The following DKC1 variants were observed in gnomAD, a reference collection of about 807,000 sequenced individuals.
DKC1 encodes dyskerin pseudouridine synthase 1, also known as H/ACA ribonucleoprotein complex subunit DKC1.
In DKC1, 4 loss-of-function variants were observed where a neutral mutation model predicts 46.7. That is an observed-to-expected ratio of 0.09 (90% CI 0.04 to 0.20). The LOEUF (loss-of-function observed/expected upper bound fraction) is 0.20, where lower values mean the gene tolerates loss of function less well. Among genes scored for constraint, DKC1 ranks in the 10% least tolerant of loss-of-function variants. The pLI, the probability that DKC1 is intolerant of heterozygous loss-of-function variation, is 1.00. For synonymous variants in DKC1, 141 were observed against 142.4 expected (o/e 0.99, Z 0.07); for missense variants, 171 against 404.2 (o/e 0.42, Z 4.95).
At chrX:154,766,607 T>G (rs1221196729) in intron 5 of DKC1, 11 of 450,061 alleles carry the variant, frequency 2.4e-5, no homozygotes, top group African/African-American at 1.2e-4. Flanking sequence ...AAGCATGTAT[T>G]CATCAAGCTG....
rs1404520097 is a variant in DKC1, at chrX:154,765,847, C to CT, written c.172-53dup. 17 of 953,313 alleles carry CT rather than the reference C, an allele frequency of 1.8e-5. No homozygotes were observed. The Admixed American group carries it at 2.6e-4, about 15-fold the overall frequency. The allele number at this position is 953,313 out of a possible 1,213,427, so 78.6% of individuals were successfully genotyped here. A position where few individuals can be genotyped will look rare whatever the true frequency, so the allele number is the denominator to read the frequency against. ...TGTGGGCCACATAGTGGTACTGACT[C>CT]TTTTTTTACATGTGCTCACGACATG... On this transcript the variant is annotated intron_variant, in intron 3 of 14. Transcript: ENST00000369550.
intron 13 of DKC1, 80 bp downstream of exon 13, chrX:154,775,353 G>T: frequency 1.0e-6 from 1 of 957,530 alleles, no homozygotes; most frequent in South Asian, 2.0e-5. Flanking sequence ...CTTACTTTGT[G>T]ACTGTCCGCA....
chrX:154,763,175 C>T (rs1275355670), intron 1 of DKC1, among the ~76,000 whole-genome samples, 194 bp downstream of exon 1: 1 of 111,989 alleles, frequency 8.9e-6, no homozygotes, highest in Non-Finnish European at 1.9e-5. Context: ...GGGAGCCCCT[C>T]GCGGTGACTT....
In DKC1 at chrX:154,766,210, T is replaced by C. The variant is rs1569558493; in HGVS notation, c.264-6T>C. 1 of 1,208,376 alleles carries C rather than the reference T, an allele frequency of 8.3e-7. No individual in the cohort carries two copies. The highest frequency in any genetic ancestry group is 1.7e-5 in the African/African-American group (1 of 57,545). On this transcript the variant is annotated splice_region_variant and splice_polypyrimidine_tract_variant and intron_variant, in intron 4 of 14. Coordinates refer to ENST00000369550, the MANE Select transcript of DKC1 (RefSeq NM_001363.5). ...GATACATTAATTTTTTTTTTTTCCA[T>C]TCCAGGACAGGTTTCATTAATCTTG...
At position 154,774,691 on chromosome X, in the gene DKC1, G is replaced by A. The variant is rs2148516440; in HGVS notation, c.1245G>A (p.Glu415=). 3 of 1,209,995 alleles carry A rather than the reference G, an allele frequency of 2.5e-6. No homozygotes were observed. The highest frequency in any genetic ancestry group is 2.3e-4 in the Middle Eastern group (1 of 4,354). The change falls in exon 12 of 15, where the codon GAG becomes GAA. Residue 415 remains glutamate, a synonymous_variant. Transcript: ENST00000369550. ...TDSTPATWKQ[E]YVDYSESAKK... is the part of the protein sequence containing the mutation. ...GCACACCTGCCACCTGGAAGCAGGAGTATGTTGACTACAGGTGAGGGCAGG... is the reference window on the plus strand; with the variant it reads ...GCACACCTGCCACCTGGAAGCAGGAATATGTTGACTACAGGTGAGGGCAGG...
intron 10 of DKC1, 30 bp from the exon 11 acceptor site, chrX:154,773,101 A>G: frequency 9.8e-7 from 1 of 1,016,430 alleles, no homozygotes; most frequent in East Asian, 3.1e-5. Flanking sequence ...CACCCTTCAA[A>G]TAATTCTTTT....
At chrX:154,768,595 A>G (rs2071779822) in intron 8 of DKC1, 163 bp downstream of exon 8, 3 of 676,887 alleles carry the variant, frequency 4.4e-6, no homozygotes, top group Non-Finnish European at 4.8e-6. Context: ...GGACATTAAA[A>G]TGGGCTAAGG....
chrX:154,775,981 C>G (rs1557265645), intron 13 of DKC1, among the ~76,000 whole-genome samples: 1 of 112,257 alleles, frequency 8.9e-6, no homozygotes, highest in African/African-American at 3.2e-5. Context: ...TTCTCTTGTG[C>G]CTGCCTCAAG....
chrX:154,776,463 G>A (rs2071897655), intron 14 of DKC1, 139 bp downstream of exon 14: 1 of 906,820 alleles, frequency 1.1e-6, no homozygotes, highest in African/African-American at 1.9e-5. Context: ...TGCCTTTAGT[G>A]CTTCCCCATG....
chrX:154,775,582 C>T (rs2071886160), intron 13 of DKC1, among the ~76,000 whole-genome samples: 1 of 112,136 alleles, frequency 8.9e-6, no homozygotes, highest in Non-Finnish European at 1.9e-5. Flanking sequence ...GTGTGTGTGT[C>T]AATTCTGGCC....
chrX:154,763,399 A>C (rs782531378), intron 1 of DKC1, among the ~76,000 whole-genome samples: 138 of 112,251 alleles, frequency 1.2e-3, no homozygotes, highest in Non-Finnish European at 1.9e-3. Context: ...CGGAGCAGGG[A>C]TAGAGCTCCG....
chrX:154,770,626 G>A (rs1174861908), intron 9 of DKC1, 133 bp from the exon 10 acceptor site: 1 of 861,268 alleles, frequency 1.2e-6, no homozygotes, highest in Admixed American at 2.3e-5. Context: ...GCCCCTTGCA[G>A]CTAGTGGGCT....
At chrX:154,764,877 A>C in intron 1 of DKC1, 22 bp from the exon 2 acceptor site, 1 of 1,165,498 alleles carries the variant, frequency 8.6e-7, no homozygotes, top group South Asian at 1.8e-5. Context: ...AAAATTCCCA[A>C]ATCCTGTGTT....
chrX:154,763,225 G>C (rs1393835889), intron 1 of DKC1, among the ~76,000 whole-genome samples: 1 of 112,057 alleles, frequency 8.9e-6, no homozygotes, highest in Non-Finnish European at 1.9e-5. Context: ...CCTGGGGTCC[G>C]GGTCGCCGTC....
chrX:154,771,237 C>T (rs1557264939), intron 10 of DKC1, among the ~76,000 whole-genome samples: 1 of 89,454 alleles, frequency 1.1e-5, no homozygotes, highest in African/African-American at 4.3e-5. Flanking sequence ...TTCACCCAGA[C>T]TGCAGTGCAG....
At chrX:154,763,049 T>C in intron 1 of DKC1, 68 bp downstream of exon 1, 1 of 1,110,794 alleles carries the variant, frequency 9.0e-7, no homozygotes, top group Non-Finnish European at 1.2e-6. Context: ...GGGGGGATGG[T>C]ATCGGGGCCC....
intron 11 of DKC1, among the ~76,000 whole-genome samples, chrX:154,773,880 G>A (rs991948481): frequency 8.2e-3 from 906 of 110,172 alleles, no homozygotes; most frequent in African/African-American, 0.029. Flanking sequence ...AGGGGCGGCC[G>A]GGCAGAGGCG....
chrX:154,764,244 A>G (rs1197732454), intron 1 of DKC1, among the ~76,000 whole-genome samples: 2 of 108,279 alleles, frequency 1.8e-5, no homozygotes, highest in African/African-American at 3.3e-5. Context: ...TATATTATAT[A>G]TATATAGTAC....
chrX:154,769,022 T>C (rs1324454605), intron 8 of DKC1, 145 bp from the exon 9 acceptor site: 2 of 347,614 alleles, frequency 5.8e-6, no homozygotes, highest in African/African-American at 6.3e-5. Flanking sequence ...AAAAAAAAGA[T>C]GCCTGGAAGA....
Sources: gnomAD v4.1 joint callset for allele counts (sites outside exome capture counted in the v4.1 genomes callset) on GRCh38, gnomAD v4.1.1 for gene constraint, MANE v1.5 for transcripts, NCBI Gene and HGNC (gene_info 2026-07-23, HGNC 2026-07-21) for gene names.